Variants in FLYWCH2 observed in about 807,000 individuals in gnomAD.
FLYWCH2 encodes the protein FLYWCH family member 2.
A neutral mutation model predicts 6.0 loss-of-function variants in FLYWCH2; 2 were observed. That is an observed-to-expected ratio of 0.33 (90% CI 0.14 to 1.04). The LOEUF is 1.04. FLYWCH2 is among the 50% of genes least tolerant of loss of function. FLYWCH2 has a pLI of 0.45. For synonymous variants in FLYWCH2, 87 were observed against 79.3 expected (o/e 1.10, Z -0.52); for missense variants, 192 against 183.4 (o/e 1.05, Z -0.27).
intron 2 of FLYWCH2, among the ~76,000 whole-genome samples, chr16:2,895,779 G>A (rs1460637270): frequency 6.6e-6 from 1 of 152,228 alleles, no homozygotes; most frequent in Admixed American, 6.5e-5. Flanking sequence ...AACACAAACT[G>A]AGCTAATGTC....
chr16:2,891,335 T>C (rs1424828338), intron 1 of FLYWCH2, among the ~76,000 whole-genome samples: 1 of 152,214 alleles, frequency 6.6e-6, no homozygotes, highest in East Asian at 1.9e-4. Flanking sequence ...TCTGGGCAGA[T>C]CACTTCTGTG....
At chr16:2,887,697 A>G (rs1298926280) in intron 1 of FLYWCH2, among the ~76,000 whole-genome samples, 4 of 151,864 alleles carry the variant, frequency 2.6e-5, no homozygotes, top group Non-Finnish European at 4.4e-5. Flanking sequence ...CAGCCTCCCA[A>G]GTTGCTGGAA....
chr16:2,884,347 G>T (rs2069672587), intron 1 of FLYWCH2, among the ~76,000 whole-genome samples: 1 of 151,950 alleles, frequency 6.6e-6, no homozygotes, highest in Non-Finnish European at 1.5e-5. Context: ...ACCAGGCAGG[G>T]GTCCTGTCGT....
In FLYWCH2 at chr16:2,896,610, T is replaced by C. The variant is rs1341927700; in HGVS notation, c.161T>C (p.Val54Ala). 4 of 1,614,050 alleles carry C rather than the reference T, an allele frequency of 2.5e-6. No individual in the cohort carries two copies. In the South Asian group the frequency reaches 4.4e-5, roughly 18 times the overall value. Residue 54 changes from valine to alanine, a missense_variant, in exon 3 of 4, where the codon GTG becomes GCG. Coordinates refer to ENST00000396958, the MANE Select transcript of FLYWCH2 (RefSeq NM_138439.3). ...LLTASKDSTKVAGAKRKGVHC... is the reference protein window; with the variant it reads ...LLTASKDSTKAAGAKRKGVHC... ...ACAGCCTCCAAAGACAGCACCAAGGTGGCGGGGGCCAAGCGCAAGGGTGTG... is the reference window on the plus strand; with the variant it reads ...ACAGCCTCCAAAGACAGCACCAAGGCGGCGGGGGCCAAGCGCAAGGGTGTG...
intron 1 of FLYWCH2, among the ~76,000 whole-genome samples, chr16:2,889,020 T>C (rs1342003300): frequency 6.6e-6 from 1 of 152,096 alleles, no homozygotes; most frequent in Non-Finnish European, 1.5e-5. Context: ...AAATTTGATA[T>C]TCAGAAAAGT....
At chr16:2,898,923 C>T (rs2069851933) in intron 3 of FLYWCH2, 126 bp from the exon 4 acceptor site, 8 of 640,902 alleles carry the variant, frequency 1.2e-5, no homozygotes, top group Admixed American at 3.7e-5. Context: ...CTCAGTCAGG[C>T]AGAGGCTTCT....
chr16:2,888,308 C>G (rs1037583977), intron 1 of FLYWCH2, among the ~76,000 whole-genome samples: 14 of 151,996 alleles, frequency 9.2e-5, no homozygotes, highest in African/African-American at 3.4e-4. Flanking sequence ...CTGTGCCCGG[C>G]CTGTGTCGGT....
At chr16:2,889,312 G>A (rs9934975) in intron 1 of FLYWCH2, among the ~76,000 whole-genome samples, 4,631 of 149,060 alleles carry the variant, frequency 0.031, 89 homozygotes, top group Non-Finnish European at 0.042. Context: ...CCAGGTTCAC[G>A]CCATTCTCCT....
rs398028577 is a variant in FLYWCH2 at position 2,892,913 on chromosome 16, T to TA, written c.-199-2306dup. ...TAATGTATATATGTCATATAATATATATTATATATGTCATATATATACCAT... is the reference window on the plus strand; with the variant it reads ...TAATGTATATATGTCATATAATATATAATTATATATGTCATATATATACCAT... On this transcript the variant is annotated intron_variant, in intron 1 of 3. Coordinates refer to ENST00000396958, the MANE Select transcript of FLYWCH2 (RefSeq NM_138439.3). 1.3e-3 allele frequency among the ~76,000 whole-genome samples: 186 copies of TA among 144,198 alleles called. 1 individual carries two copies. The highest frequency in any genetic ancestry group is 4.8e-3 in the African/African-American group (180 of 37,360). 94.6% of individuals were successfully genotyped at this position (144,198 alleles called of 152,430 possible).
intron 1 of FLYWCH2, among the ~76,000 whole-genome samples, chr16:2,884,017 C>T (rs1054012483): frequency 9.9e-5 from 15 of 152,132 alleles, no homozygotes; most frequent in Admixed American, 6.6e-5. Flanking sequence ...TTTTAAATCT[C>T]CCTGTGAGGA....
chr16:2,890,109 A>G (rs1256775606), intron 1 of FLYWCH2, among the ~76,000 whole-genome samples: 1 of 151,736 alleles, frequency 6.6e-6, no homozygotes, highest in Non-Finnish European at 1.5e-5. Context: ...AAACTAACCT[A>G]TAGACTTTAT....
At chr16:2,889,151 TTG>T (rs1323087905) in intron 1 of FLYWCH2, among the ~76,000 whole-genome samples, 6 of 150,108 alleles carry the variant, frequency 4.0e-5, no homozygotes, top group Non-Finnish European at 8.8e-5. Context: ...TTGTTGTTGT[TTG>T]TGTGTGTGTA....
intron 3 of FLYWCH2, among the ~76,000 whole-genome samples, chr16:2,897,944 G>T (rs766132743): frequency 2.0e-5 from 3 of 152,172 alleles, no homozygotes; most frequent in Non-Finnish European, 4.4e-5. Context: ...AGGTGGCCTT[G>T]GCTTGTGACC....
At chr16:2,887,714 A>G (rs2069714409) in intron 1 of FLYWCH2, among the ~76,000 whole-genome samples, 1 of 151,656 alleles carries the variant, frequency 6.6e-6, no homozygotes, top group East Asian at 1.9e-4. Context: ...GGAACTACAT[A>G]TGTGCCCCAC....
At chr16:2,895,605 A>G (rs946068284) in intron 2 of FLYWCH2, among the ~76,000 whole-genome samples, 3 of 152,186 alleles carry the variant, frequency 2.0e-5, no homozygotes, top group African/African-American at 7.2e-5. Flanking sequence ...ACAGAGCGAG[A>G]CTCCGTCTCC....
chr16:2,899,026 T>A (rs1442479005), intron 3 of FLYWCH2, 23 bp from the exon 4 acceptor site: 1 of 1,596,430 alleles, frequency 6.3e-7, no homozygotes, highest in Non-Finnish European at 8.5e-7. Flanking sequence ...GACACCAGCC[T>A]GATCCACCCT....
intron 1 of FLYWCH2, among the ~76,000 whole-genome samples, chr16:2,890,668 C>T (rs929800126): frequency 1.1e-4 from 17 of 151,646 alleles, no homozygotes; most frequent in African/African-American, 3.4e-4. Flanking sequence ...GTGATCCACC[C>T]GCCTCAGCCT....
intron 1 of FLYWCH2, among the ~76,000 whole-genome samples, chr16:2,889,652 T>TA (rs1438095651): frequency 2.6e-5 from 4 of 152,170 alleles, no homozygotes; most frequent in African/African-American, 9.7e-5. Flanking sequence ...GCTAGCTACT[T>TA]ACCTTTAAAA....
At chr16:2,887,937 CATAT>C (rs796547492) in intron 1 of FLYWCH2, among the ~76,000 whole-genome samples, 6 of 152,056 alleles carry the variant, frequency 3.9e-5, no homozygotes, top group African/African-American at 1.4e-4. Flanking sequence ...ATCAGTTCAC[CATAT>C]ATATAAGAGT....
Sources: allele counts gnomAD v4.1 joint callset (sites outside exome capture counted in the v4.1 genomes callset), GRCh38; gene constraint gnomAD v4.1.1; transcripts MANE v1.5; gene names NCBI Gene and HGNC (gene_info 2026-07-23, HGNC 2026-07-21).